The following CCSER2 variants were observed in gnomAD, a reference collection of about 807,000 sequenced individuals.
CCSER2 encodes serine-rich coiled-coil domain-containing protein 2.
In CCSER2, 46 loss-of-function variants were observed where a neutral mutation model predicts 92.3. The observed-to-expected ratio is 0.50, with a 90% CI of 0.39 to 0.64. CCSER2 has a LOEUF of 0.64. CCSER2 is among the 30% of genes least tolerant of loss of function. The probability of loss-of-function intolerance (pLI) is 0.00; values close to 1 mark genes in which losing one functional copy is unlikely to be tolerated. For synonymous variants in CCSER2, 433 were observed against 431.4 expected (o/e 1.00, Z -0.04); for missense variants, 1,244 against 1,238.9 (o/e 1.00, Z -0.06).
chr10:84,396,827 A>G (rs1841869290), intron 3 of CCSER2, among the ~76,000 whole-genome samples: 1 of 151,998 alleles, frequency 6.6e-6, no homozygotes, highest in Non-Finnish European at 1.5e-5. Context: ...GTGAGCCACC[A>G]CACCTGGCCG....
intron 6 of CCSER2, among the ~76,000 whole-genome samples, chr10:84,451,251 T>TG: frequency 6.8e-6 from 1 of 146,070 alleles, no homozygotes; most frequent in East Asian, 2.0e-4. Flanking sequence ...TTTGGTTGGT[T>TG]GGGTTTTTTT....
At chr10:84,495,175 G>GTT (rs34336622) in intron 9 of CCSER2, among the ~76,000 whole-genome samples, 18 of 140,318 alleles carry the variant, frequency 1.3e-4, no homozygotes, top group Non-Finnish European at 1.7e-4. Flanking sequence ...GTTTGATATG[G>GTT]TTTTTTTTTT....
intron 8 of CCSER2, among the ~76,000 whole-genome samples, chr10:84,471,274 T>G (rs972858413): frequency 2.6e-5 from 4 of 151,930 alleles, no homozygotes; most frequent in African/African-American, 9.7e-5. Flanking sequence ...CAAAGAAAAT[T>G]TATGAAACTG....
intron 1 of CCSER2, among the ~76,000 whole-genome samples, chr10:84,366,006 C>G (rs1209923946): frequency 2.0e-5 from 3 of 152,182 alleles, no homozygotes; most frequent in African/African-American, 7.2e-5. Flanking sequence ...ATGGATATTG[C>G]CACTGTCCCT....
chr10:84,504,084 A>G (rs941249551), intron 9 of CCSER2, among the ~76,000 whole-genome samples: 1 of 152,198 alleles, frequency 6.6e-6, no homozygotes, highest in Admixed American at 6.5e-5. Context: ...TCATGGGACA[A>G]TACTTTCTCT....
At chr10:84,450,191 A>C (rs890150725) in intron 6 of CCSER2, among the ~76,000 whole-genome samples, 2 of 152,222 alleles carry the variant, frequency 1.3e-5, no homozygotes, top group African/African-American at 4.8e-5. Context: ...AAAAATAAAG[A>C]GGACACAGTT....
chr10:84,372,251 C>A lies in CCSER2; in HGVS notation c.1199C>A (p.Ser400Ter). 3 of 1,612,740 alleles carry A rather than the reference C, an allele frequency of 1.9e-6. No homozygotes were observed. The South Asian group carries it at 3.3e-5, about 18-fold the overall frequency. ...LSDDVDDISLSSLSSSDKNDL... is the reference protein window; with the variant it reads ...LSDDVDDISL ...GATGATGTGGATGACATTTCCTTGT[C>A]GTCTTTGTCATCTTCTGATAAGAAT... The change falls in exon 2 of 10, where the codon TCG (serine) becomes TAG (stop). Residue 400 changes from serine (S) to a stop codon, truncating the protein, a stop_gained. Coordinates refer to ENST00000372088, the MANE Select transcript of CCSER2 (RefSeq NM_001284240.2). LOFTEE classifies it high-confidence loss of function.
chr10:84,489,458 C>G (rs1340453916), intron 9 of CCSER2, among the ~76,000 whole-genome samples: 1 of 152,176 alleles, frequency 6.6e-6, no homozygotes, highest in African/African-American at 2.4e-5. Flanking sequence ...ATAGTTAGCT[C>G]TTCTTGTTGA....
chr10:84,401,501 A>G (rs1289319110), intron 3 of CCSER2, among the ~76,000 whole-genome samples: 1 of 152,230 alleles, frequency 6.6e-6, no homozygotes, highest in African/African-American at 2.4e-5. Flanking sequence ...TGAAATAGAT[A>G]ATTTGAATAG....
At chr10:84,347,665 C>T (rs1244826312) in intron 1 of CCSER2, among the ~76,000 whole-genome samples, 8 of 148,428 alleles carry the variant, frequency 5.4e-5, no homozygotes, top group African/African-American at 2.5e-5. Context: ...CCCAGACGGG[C>T]GGCTGCCGGG....
At chr10:84,458,430 T>A (rs996770586) in intron 6 of CCSER2, among the ~76,000 whole-genome samples, 2 of 152,226 alleles carry the variant, frequency 1.3e-5, no homozygotes, top group Non-Finnish European at 2.9e-5. Flanking sequence ...TTTCTCTTGA[T>A]TACTGGAGCT....
Position 84,469,045 on chromosome 10 carries a change from G to C in CCSER2, c.2149-1327G>C, listed in dbSNP as rs185906878. Among the ~76,000 whole-genome samples the C allele has an allele frequency of 2.3e-4, 35 of 152,182 alleles. No homozygotes were observed. The East Asian group carries it at 6.4e-3, about 28-fold the overall frequency. Reference sequence around the variant, plus strand: ...GAGAACTGGCTACTTGTCTGTTGAGGCCTTAAAAATGATCTTAAATGTTTA... The same window carrying C: ...GAGAACTGGCTACTTGTCTGTTGAGCCCTTAAAAATGATCTTAAATGTTTA... On this transcript the variant is annotated intron_variant, in intron 7 of 9. Transcript: ENST00000372088.
intron 9 of CCSER2, among the ~76,000 whole-genome samples, chr10:84,481,029 G>A (rs1847425851): frequency 6.6e-6 from 1 of 152,076 alleles, no homozygotes; most frequent in Non-Finnish European, 1.5e-5. Flanking sequence ...GGTTTATACA[G>A]GCTTATACTA....
intron 3 of CCSER2, chr10:84,391,685 A>G: frequency 6.6e-7 from 1 of 1,524,890 alleles, no homozygotes; most frequent in South Asian, 1.1e-5. Context: ...GTTAGAGAAT[A>G]CAGCAATAAC....
chr10:84,475,576 C>T (rs1847090874), intron 8 of CCSER2, among the ~76,000 whole-genome samples: 1 of 152,080 alleles, frequency 6.6e-6, no homozygotes. Context: ...CTGATAAACC[C>T]ATTATAGGTT....
chr10:84,435,788 C>G (rs2133488270), intron 5 of CCSER2, among the ~76,000 whole-genome samples: 1 of 152,112 alleles, frequency 6.6e-6, no homozygotes, highest in South Asian at 2.1e-4. Context: ...GTAATAAATA[C>G]TATAATGGGA....
chr10:84,514,379 A>C lies in CCSER2; in HGVS notation c.*112A>C, dbSNP rs560112643. On this transcript the variant is annotated 3_prime_UTR_variant, in exon 10 of 10. Transcript: ENST00000372088. ...GTGGAGGTTCCATTGAAAGCCTGCA[A>C]ATCTTAAATTAAAATGTGGAAGCTT... The C allele has an allele frequency of 2.7e-6, 2 of 745,554 alleles. No homozygotes were observed. Among genetic ancestry groups the C allele is most frequent in the Admixed American group, 3.0e-5 (1 of 32,924 alleles). The allele number at this position is 745,554 out of a possible 1,614,324, so 46.2% of individuals were successfully genotyped here. A position where few individuals can be genotyped will look rare whatever the true frequency, so the allele number is the denominator to read the frequency against.
At chr10:84,500,047 C>T in intron 9 of CCSER2, 1 of 1,581,442 alleles carries the variant, frequency 6.3e-7, no homozygotes. Flanking sequence ...CCCAGCACCT[C>T]CTTTTCTATC....
At chr10:84,351,637 T>C (rs1844864436) in intron 1 of CCSER2, among the ~76,000 whole-genome samples, 1 of 152,214 alleles carries the variant, frequency 6.6e-6, no homozygotes, top group Admixed American at 6.5e-5. Context: ...TCCGAATAGC[T>C]TGGACTGTAG....
Sources: allele counts gnomAD v4.1 joint callset (sites outside exome capture counted in the v4.1 genomes callset), GRCh38; gene constraint gnomAD v4.1.1; transcripts MANE v1.5; gene names NCBI Gene and HGNC (gene_info 2026-07-23, HGNC 2026-07-21).